Variants in KCNG4 observed in about 807,000 individuals in gnomAD.
KCNG4 encodes voltage-gated potassium channel regulatory subunit KCNG4.
A neutral mutation model predicts 28.2 loss-of-function variants in KCNG4; 30 were observed. The ratio of observed to expected loss-of-function variants is 1.06; its 90% CI spans 0.80 to 1.44. KCNG4 has a LOEUF of 1.44. Ranked by LOEUF, KCNG4 falls within the 40% of genes most tolerant of loss-of-function variation. The pLI is 0.00. For missense variants in KCNG4, 879 were observed against 712.3 expected, an observed-to-expected ratio of 1.23 and a Z score of -2.66; for synonymous variants, 375 against 315.5, an observed-to-expected ratio of 1.19 and a Z score of -2.00.
In KCNG4 at chr16:84,237,081, C is replaced by T. The variant is rs2151340870; in HGVS notation, c.405G>A (p.Leu135=). Residue 135 remains leucine, a synonymous_variant, in exon 2 of 3, where the codon CTG becomes CTA. Transcript: ENST00000308251. The stretch of plus-strand genomic sequence containing the variant: ...GGAAGGACAGCGCGCACATCTCCTG[C>T]AGAAGCACCAGCTTCCCGGCCGCCA... ...SFLAAGKLVL[L]QEMCALSFQE... is the part of the protein sequence containing the mutation. 1.2e-6 allele frequency: 2 copies of T among 1,614,114 alleles called. No individual in the cohort carries two copies. Among genetic ancestry groups the T allele is most frequent in the East Asian group, 4.5e-5 (2 of 44,884 alleles).
chr16:84,222,901 C>T lies in KCNG4; in HGVS notation c.876G>A (p.Gln292=). The T allele has an allele frequency of 6.2e-7, 1 of 1,611,598 alleles. No homozygotes were observed. The change falls in exon 3 of 3, where the codon CAG becomes CAA. Residue 292 remains glutamine (Q), a synonymous_variant. Transcript: ENST00000308251. ...GGATGTCGATGATGTTCAGGGGCCCCTGGAAGAACTGACACTTGTCTTGGG... is the reference window on the plus strand; with the variant it reads ...GGATGTCGATGATGTTCAGGGGCCCTTGGAAGAACTGACACTTGTCTTGGG... ...VQAQDKCQFF[Q]GPLNIIDILA...
At position 84,222,780 on chromosome 16, in the gene KCNG4, C is replaced by T. The variant is rs1407452406; in HGVS notation, c.997G>A (p.Gly333Arg). The T allele has an allele frequency of 6.2e-7, 1 of 1,610,920 alleles. No homozygotes were observed. The highest frequency in any genetic ancestry group is 8.5e-7 in the Non-Finnish European group (1 of 1,177,984). Residue 333 changes from glycine (G) to arginine (R), a missense_variant, in exon 3 of 3, where the codon GGG (glycine) becomes AGG (arginine). By Grantham distance (125) the Gly-to-Arg change is moderately radical (BLOSUM62 -2). Transcript: ENST00000308251. ...PSGSSYLEKVGLVLRVLRALR... is the reference protein window; with the variant it reads ...PSGSSYLEKVRLVLRVLRALR... ...GCTCGCAGCACACGCAGGACCAGCC[C>T]CACCTTCTCCAGGTAGGAGCTCCCG... is the stretch of plus-strand genomic sequence containing the variant.
At chr16:84,224,912 T>C (rs1239189013) in intron 2 of KCNG4, among the ~76,000 whole-genome samples, 2 of 152,218 alleles carry the variant, frequency 1.3e-5, no homozygotes, top group African/African-American at 4.8e-5. Flanking sequence ...CTAGTTACAA[T>C]ACTCTCAGAG....
rs924951039 is a variant in KCNG4 at position 84,218,983 on chromosome 16, A to G, written c.*3234T>C. 2.6e-5 allele frequency: 4 copies of G among 152,210 alleles called. No individual in the cohort carries two copies. Among genetic ancestry groups the G allele is most frequent in the African/African-American group, 9.7e-5 (4 of 41,438 alleles). 9.4% of individuals were successfully genotyped at this position (152,210 alleles called of 1,614,324 possible). The stretch of plus-strand genomic sequence containing the variant: ...GCGCACAAAATATGTCTTCGATGAG[A>G]AGGCAGGGCAGATGTGGGGGCTGAT... On this transcript the variant is annotated 3_prime_UTR_variant, in exon 3 of 3. Coordinates refer to ENST00000308251, the MANE Select transcript of KCNG4 (RefSeq NM_172347.3).
intron 2 of KCNG4, among the ~76,000 whole-genome samples, chr16:84,229,242 G>A (rs1030859808): frequency 6.6e-6 from 1 of 150,908 alleles, no homozygotes; most frequent in Non-Finnish European, 1.5e-5. Context: ...GAGGAGAGCC[G>A]AGATTGTACC....
chr16:84,225,732 G>A (rs1451644266), intron 2 of KCNG4, among the ~76,000 whole-genome samples: 2 of 152,232 alleles, frequency 1.3e-5, no homozygotes, highest in African/African-American at 4.8e-5. Context: ...TGTGGGGCTG[G>A]CATTTGGACA....
At chr16:84,235,996 G>T (rs1221749669) in intron 2 of KCNG4, 1 of 152,232 alleles carries the variant, frequency 6.6e-6, no homozygotes, top group Admixed American at 6.5e-5. Context: ...CTGCAAAGGG[G>T]ACGAAGGTGT....
intron 2 of KCNG4, among the ~76,000 whole-genome samples, chr16:84,230,873 T>C (rs1904811951): frequency 6.6e-6 from 1 of 152,244 alleles, no homozygotes; most frequent in African/African-American, 2.4e-5. Context: ...GGGCTGGTCC[T>C]GCGCGTGGCG....
chr16:84,234,566 A>G (rs1209250309), intron 2 of KCNG4, among the ~76,000 whole-genome samples: 1 of 152,150 alleles, frequency 6.6e-6, no homozygotes, highest in East Asian at 1.9e-4. Context: ...AGGTAGAAAA[A>G]CAGAAACTGC....
At chr16:84,225,852 T>C (rs780117548) in intron 2 of KCNG4, among the ~76,000 whole-genome samples, 1 of 152,230 alleles carries the variant, frequency 6.6e-6, no homozygotes, top group Non-Finnish European at 1.5e-5. Context: ...TGCATCAGGC[T>C]CTGCTGTGCA....
intron 2 of KCNG4, among the ~76,000 whole-genome samples, chr16:84,229,947 C>G (rs763399351): frequency 6.6e-6 from 1 of 152,200 alleles, no homozygotes; most frequent in Non-Finnish European, 1.5e-5. Context: ...TTTTAGGAAG[C>G]TGATTCATGG....
intron 2 of KCNG4, among the ~76,000 whole-genome samples, chr16:84,227,558 C>T (rs938325607): frequency 1.3e-5 from 2 of 152,058 alleles, no homozygotes; most frequent in African/African-American, 4.8e-5. Context: ...GCCTGGGCGA[C>T]AGAGCTAGAA....
Position 84,220,014 on chromosome 16 carries a change from GA to G in KCNG4, c.*2202del, listed in dbSNP as rs1186803160. On this transcript the variant is annotated 3_prime_UTR_variant, in exon 3 of 3. Transcript: ENST00000308251. ...GGAGGCGGAGGTTGCAGTGAGCTGG[GA>G]TCAAGCCACTGCACTCCAGCCTGGC... is the stretch of plus-strand genomic sequence containing the variant. The G allele has an allele frequency of 3.9e-5, 6 of 152,034 alleles. No homozygotes were observed. The highest frequency in any genetic ancestry group is 1.2e-4 in the African/African-American group (5 of 41,360). 9.4% of individuals were successfully genotyped at this position (152,034 alleles called of 1,614,324 possible).
intron 2 of KCNG4, among the ~76,000 whole-genome samples, chr16:84,231,664 G>C (rs1324857415): frequency 6.6e-6 from 1 of 152,134 alleles, no homozygotes; most frequent in African/African-American, 2.4e-5. Flanking sequence ...AGAAGGTTGA[G>C]GTCCAGGGGT....
At chr16:84,233,980 A>T (rs76637381) in intron 2 of KCNG4, among the ~76,000 whole-genome samples, 506 of 152,240 alleles carry the variant, frequency 3.3e-3, no homozygotes, top group Non-Finnish European at 4.9e-3. Context: ...TCACTTCCCT[A>T]TGCTGCCACA....
intron 2 of KCNG4, among the ~76,000 whole-genome samples, chr16:84,228,951 G>T (rs770437303): frequency 6.6e-6 from 1 of 152,234 alleles, no homozygotes; most frequent in Admixed American, 6.5e-5. Flanking sequence ...CACCTTGGGC[G>T]GGTTGGATGG....
chr16:84,222,750 G>A lies in KCNG4; in HGVS notation c.1027C>T (p.Arg343Cys), dbSNP rs578194490. The change falls in exon 3 of 3, where the codon CGC becomes TGC. Residue 343 changes from arginine to cysteine, a missense_variant. By Grantham distance (180) the Arg-to-Cys change is radical. Transcript: ENST00000308251. ...GCCAGGCGCATCACGTAGAGGATGC[G>A]CAGCGCTCGCAGCACACGCAGGACC... ...GLVLRVLRALRILYVMRLARH... is the reference protein window; with the variant it reads ...GLVLRVLRALCILYVMRLARH... 79 of 1,611,960 alleles carry A rather than the reference G, an allele frequency of 4.9e-5. No individual in the cohort carries two copies. Among genetic ancestry groups the A allele is most frequent in the African/African-American group, 2.7e-4 (20 of 75,010 alleles).
chr16:84,237,691 T>C (rs1484744746), intron 1 of KCNG4, among the ~76,000 whole-genome samples, 166 bp from the exon 2 acceptor site: 3 of 152,198 alleles, frequency 2.0e-5, no homozygotes, highest in Non-Finnish European at 4.4e-5. Flanking sequence ...ATTGAGCACC[T>C]ACTATGTGCT....
At chr16:84,230,098 G>C (rs1904791424) in intron 2 of KCNG4, among the ~76,000 whole-genome samples, 1 of 152,050 alleles carries the variant, frequency 6.6e-6, no homozygotes, top group Admixed American at 6.5e-5. Context: ...AGTCCCGCCT[G>C]GTCTTTGAAA....
Sources: gnomAD v4.1 joint callset for allele counts (sites outside exome capture counted in the v4.1 genomes callset) on GRCh38, gnomAD v4.1.1 for gene constraint, MANE v1.5 for transcripts, NCBI Gene and HGNC (gene_info 2026-07-23, HGNC 2026-07-21) for gene names.